GSDMC: variants seen among roughly 807,000 people sequenced by gnomAD.
GSDMC encodes gasdermin-C.
GSDMC carries 59 observed loss-of-function variants against 58.0 expected under a neutral mutation model. The ratio of observed to expected loss-of-function variants is 1.02; its 90% CI spans 0.82 to 1.26. The LOEUF is 1.26. GSDMC is among the 50% of genes most tolerant of loss of function. The pLI is 0.00. For missense variants in GSDMC, 659 were observed against 598.5 expected, an observed-to-expected ratio of 1.10 and a Z score of -1.06; for synonymous variants, 241 against 220.2, an observed-to-expected ratio of 1.09 and a Z score of -0.83.
chr8:129,716,327 T>C, the GSDMC span, among the ~76,000 whole-genome samples: 2 of 152,232 alleles, frequency 1.3e-5, no homozygotes, highest in Non-Finnish European at 2.9e-5. Context: ...ATATAATGTA[T>C]TAATACCAAT....
Position 129,748,657 on chromosome 8 carries a change from C to G in GSDMC, c.1371G>C (p.Gln457His). Reference sequence around the variant, plus strand: ...CATAGGTGATGGCCAAACCCTCACTCTGGAGTGGGGCGAGGAGCTCAGGTT... The same window carrying G: ...CATAGGTGATGGCCAAACCCTCACTGTGGAGTGGGGCGAGGAGCTCAGGTT... Reference protein sequence around the residue: ...TLKPELLAPLQSEGLAITYGL... With the variant: ...TLKPELLAPLHSEGLAITYGL... The change falls in exon 14 of 14, where the codon CAG (glutamine) becomes CAC (histidine). Residue 457 changes from glutamine to histidine, a missense_variant. Gln to His is a conservative substitution (Grantham distance 24). Transcript: ENST00000276708. The G allele has an allele frequency of 6.2e-7, 1 of 1,610,432 alleles. No individual in the cohort carries two copies. Among genetic ancestry groups the G allele is most frequent in the Non-Finnish European group, 8.5e-7 (1 of 1,178,436 alleles).
In GSDMC at chr8:129,777,516, G is replaced by A; in HGVS notation, c.72C>T (p.Val24=). 6.2e-7 allele frequency: 1 copy of A among 1,613,192 alleles called. No individual in the cohort carries two copies. The highest frequency in any genetic ancestry group is 8.5e-7 in the Non-Finnish European group (1 of 1,179,188). The change falls in exon 2 of 14, where the codon GTC becomes GTT. Residue 24 remains valine, a synonymous_variant. Transcript: ENST00000276708. ...ATTTGGTGGCACTCAATAGGTATTT[G>A]ACAGGTGTCAGGTCTTTGCTTCCAA... The part of the protein sequence containing the change: ...KEIGSKDLTP[V]KYLLSATKLR...
chr8:129,732,156 G>T, the GSDMC span, among the ~76,000 whole-genome samples: 1 of 152,112 alleles, frequency 6.6e-6, no homozygotes, highest in East Asian at 1.9e-4. Context: ...AGCCTTCAGG[G>T]AGCATCCTGC....
At chr8:129,747,999 C>T (rs62523859), downstream of GSDMC, among the ~76,000 whole-genome samples, 18,120 of 152,066 alleles carry the variant, frequency 0.12, 1,422 homozygotes, top group Middle Eastern at 0.18. Context: ...CAATTTCGGA[C>T]TCACAAAATG....
chr8:129,712,223 C>T, the GSDMC span, among the ~76,000 whole-genome samples: 1 of 152,264 alleles, frequency 6.6e-6, no homozygotes, highest in East Asian at 1.9e-4. Flanking sequence ...CAATACGTGG[C>T]ATATTTTATC....
At chr8:129,747,823 T>C (rs910188923), downstream of GSDMC, among the ~76,000 whole-genome samples, 2 of 152,062 alleles carry the variant, frequency 1.3e-5, no homozygotes, top group Admixed American at 1.3e-4. Flanking sequence ...GGAGTCAAGG[T>C]GGACTCCCAG....
intron 1 of GSDMC, among the ~76,000 whole-genome samples, chr8:129,778,567 A>G (rs1563814682): frequency 6.6e-6 from 1 of 152,220 alleles, no homozygotes. Context: ...AGATTTCATG[A>G]TGATGCCAAA....
the GSDMC span, among the ~76,000 whole-genome samples, chr8:129,741,915 A>AACATATATATATATATATAT: frequency 7.9e-6 from 1 of 126,272 alleles, no homozygotes; most frequent in Non-Finnish European, 1.6e-5. Context: ...AAGAAAATGT[A>AACATATATATATATATATAT]ATATATATAT....
At chr8:129,740,569 T>C in the GSDMC span, among the ~76,000 whole-genome samples, 2 of 152,210 alleles carry the variant, frequency 1.3e-5, no homozygotes, top group Admixed American at 1.3e-4. Context: ...TTTATAGCCT[T>C]TGAGCAATAG....
At chr8:129,709,473 T>C in the GSDMC span, among the ~76,000 whole-genome samples, 1 of 139,406 alleles carries the variant, frequency 7.2e-6, no homozygotes, top group Non-Finnish European at 1.5e-5. Flanking sequence ...AGATGATAGA[T>C]AGATAGACAG....
chr8:129,738,553 G>A, the GSDMC span, among the ~76,000 whole-genome samples: 1 of 152,156 alleles, frequency 6.6e-6, no homozygotes, highest in African/African-American at 2.4e-5. Context: ...ACTATCACAA[G>A]GACAGAAAAC....
the GSDMC span, among the ~76,000 whole-genome samples, chr8:129,708,197 A>G: frequency 1.3e-5 from 2 of 152,372 alleles, no homozygotes; most frequent in Non-Finnish European, 2.9e-5. Context: ...AGAATGAGTC[A>G]TGGACAAGCT....
At chr8:129,771,181 C>T (rs1050810165) in intron 3 of GSDMC, among the ~76,000 whole-genome samples, 3 of 151,268 alleles carry the variant, frequency 2.0e-5, no homozygotes, top group Admixed American at 1.3e-4. Flanking sequence ...CAAATATTAA[C>T]GTAACTGAAA....
At chr8:129,712,086 A>G in the GSDMC span, among the ~76,000 whole-genome samples, 5 of 152,210 alleles carry the variant, frequency 3.3e-5, no homozygotes, top group African/African-American at 1.2e-4. Context: ...GCAAGATCCT[A>G]TCTCAAAAAA....
intron 6 of GSDMC, among the ~76,000 whole-genome samples, chr8:129,756,035 T>A (rs1258422902): frequency 6.6e-6 from 1 of 150,464 alleles, no homozygotes; most frequent in Non-Finnish European, 1.5e-5. Flanking sequence ...GCTAAACTCA[T>A]CAATCAAAAG....
At chr8:129,771,109 C>T (rs973809812) in intron 3 of GSDMC, among the ~76,000 whole-genome samples, 2 of 150,456 alleles carry the variant, frequency 1.3e-5, no homozygotes, top group Non-Finnish European at 3.0e-5. Context: ...TAGAAGAATG[C>T]CATTATATAA....
chr8:129,731,401 C>A, the GSDMC span, among the ~76,000 whole-genome samples: 1 of 152,230 alleles, frequency 6.6e-6, no homozygotes, highest in African/African-American at 2.4e-5. Context: ...AGCCAGGAGC[C>A]TCCTGCTAGG....
At chr8:129,706,760 G>A in the GSDMC span, among the ~76,000 whole-genome samples, 6 of 152,150 alleles carry the variant, frequency 3.9e-5, no homozygotes, top group African/African-American at 1.4e-4. Context: ...GGACAGAAGA[G>A]AGGCTACATT....
intron 13 of GSDMC, 39 bp downstream of exon 13, chr8:129,749,413 C>A (rs2033077933): frequency 7.2e-7 from 1 of 1,386,594 alleles, no homozygotes; most frequent in African/African-American, 1.4e-5. Flanking sequence ...GGTTCCCTCA[C>A]CCTCTTCCCT....
Sources: gnomAD v4.1 joint callset for allele counts (sites outside exome capture counted in the v4.1 genomes callset) on GRCh38, gnomAD v4.1.1 for gene constraint, MANE v1.5 for transcripts, NCBI Gene and HGNC (gene_info 2026-07-23, HGNC 2026-07-21) for gene names.